The following DAPK3 variants were observed in gnomAD, a reference collection of about 807,000 sequenced individuals.
The protein encoded by DAPK3 is death associated protein kinase 3.
Under a neutral mutation model 30.6 loss-of-function variants are expected in DAPK3, and 24 were observed. That is an observed-to-expected ratio of 0.78 (90% CI 0.57 to 1.10). The LOEUF (loss-of-function observed/expected upper bound fraction) is 1.10, where lower values mean the gene tolerates loss of function less well. Among genes scored for constraint, DAPK3 ranks in the 50% least tolerant of loss-of-function variants. The probability of loss-of-function intolerance (pLI) is 0.00; values close to 1 mark genes in which losing one functional copy is unlikely to be tolerated. For missense variants in DAPK3, 629 were observed against 657.3 expected (o/e 0.96, Z 0.47); for synonymous variants, 341 against 284.0 (o/e 1.20, Z -2.02).
At chr19:3,962,152 C>T (rs1158880722) in intron 6 of DAPK3, among the ~76,000 whole-genome samples, 2 of 152,326 alleles carry the variant, frequency 1.3e-5, no homozygotes, top group Non-Finnish European at 2.9e-5. Flanking sequence ...CCATCGCACC[C>T]GGCCCATCTA....
chr19:3,958,943 C>G lies in DAPK3; in HGVS notation c.*158G>C. 1.7e-6 allele frequency: 1 copy of G among 591,454 alleles called. No individual in the cohort carries two copies. The highest frequency in any genetic ancestry group is 3.0e-6 in the Non-Finnish European group (1 of 337,564). 36.6% of individuals were successfully genotyped at this position (591,454 alleles called of 1,614,324 possible). On this transcript the variant is annotated 3_prime_UTR_variant, in exon 9 of 9. Coordinates refer to ENST00000545797, the MANE Select transcript of DAPK3 (RefSeq NM_001348.3). ...TCCCACACCCACCCCTGCCTGCGAA[C>G]TTACGGGCCTGGCTCCAGCTCCTCC...
At chr19:3,965,827 A>C (rs1187561322) in intron 2 of DAPK3, among the ~76,000 whole-genome samples, 3 of 151,582 alleles carry the variant, frequency 2.0e-5, no homozygotes, top group African/African-American at 7.3e-5. Flanking sequence ...ACCACACCCA[A>C]TTAATTTTTT....
Position 3,964,245 on chromosome 19 carries a change from C to A in DAPK3, c.552G>T (p.Val184=). 2 of 1,609,658 alleles carry A rather than the reference C, an allele frequency of 1.2e-6. No individual in the cohort carries two copies. The highest frequency in any genetic ancestry group is 8.5e-7 in the Non-Finnish European group (1 of 1,177,008). The stretch of plus-strand genomic sequence containing the variant: ...GCTGCCCACTGGGCAGGGCCTCACC[C>A]ACAAACTCCGGGGTGCCGAAGATGT... ...FKNIFGTPEF[V]APEIVNYEPL... Residue 184 remains valine, a splice_region_variant and synonymous_variant, in exon 4 of 9, where the codon GTG becomes GTT. Coordinates refer to ENST00000545797, the MANE Select transcript of DAPK3 (RefSeq NM_001348.3).
Position 3,959,424 on chromosome 19 carries a change from G to A in DAPK3, c.1042C>T (p.Leu348Phe). The change falls in exon 9 of 9, where the codon CTC (leucine) becomes TTC (phenylalanine). Residue 348 changes from leucine (L) to phenylalanine (F), a missense_variant. Leu to Phe is a conservative substitution (Grantham distance 22). Transcript: ENST00000545797. ...AGCGCCTCCACGTCCTCGTGGCAGAGCCGCCGGCTGCGCTGCAGCTCGCGC... is the reference window on the plus strand; with the variant it reads ...AGCGCCTCCACGTCCTCGTGGCAGAACCGCCGGCTGCGCTGCAGCTCGCGC... ...GLRELQRSRR[L>F]CHEDVEALAA... The A allele has an allele frequency of 6.4e-7, 1 of 1,552,846 alleles. No individual in the cohort carries two copies. Among genetic ancestry groups the A allele is most frequent in the Non-Finnish European group, 8.6e-7 (1 of 1,156,106 alleles).
chr19:3,961,397 A>C (rs577933210), intron 6 of DAPK3: 1 of 673,422 alleles, frequency 1.5e-6, no homozygotes, highest in South Asian at 1.4e-5. Flanking sequence ...AACAGGCAGA[A>C]GTCTCCTTGG....
At chr19:3,963,729 C>T (rs1026100573) in intron 5 of DAPK3, 60 bp from the exon 6 acceptor site, 5 of 1,410,938 alleles carry the variant, frequency 3.5e-6, no homozygotes, top group South Asian at 1.3e-5. Context: ...CTCCCAGGAC[C>T]GTGGCGTCCA....
intron 2 of DAPK3, among the ~76,000 whole-genome samples, chr19:3,965,502 C>T (rs2039569123): frequency 6.6e-6 from 1 of 152,104 alleles, no homozygotes; most frequent in Non-Finnish European, 1.5e-5. Context: ...CCTGTAATCC[C>T]AGCTACTTGG....
chr19:3,969,600 G>C, intron 2 of DAPK3, 74 bp downstream of exon 2: 1 of 929,166 alleles, frequency 1.1e-6, no homozygotes, highest in Admixed American at 1.7e-5. Flanking sequence ...CAGGAAAGGA[G>C]AGCTGCTGTT....
chr19:3,962,338 C>T lies in DAPK3; in HGVS notation c.630-1177G>A, dbSNP rs564975060. Among the ~76,000 whole-genome samples the T allele has an allele frequency of 3.3e-5, 5 of 152,346 alleles. No individual in the cohort carries two copies. In the South Asian group the frequency reaches 1.0e-3, roughly 32 times the overall value. ...TTTAAAAAGAATACAAACGGTCTAG[C>T]CCATCTCCTGAAGCCTTTGGGTCCG... On this transcript the variant is annotated intron_variant, in intron 6 of 8. Transcript: ENST00000545797.
intron 7 of DAPK3, 152 bp from the exon 8 acceptor site, chr19:3,960,256 C>T (rs1029051687): frequency 2.6e-5 from 16 of 608,264 alleles, no homozygotes; most frequent in Admixed American, 1.1e-4. Flanking sequence ...CTGCAGGGAG[C>T]GTGGGGTTTT....
Position 3,959,382 on chromosome 19 carries a change from C to T in DAPK3, c.1084G>A (p.Glu362Lys). The change falls in exon 9 of 9, where the codon GAG becomes AAG. Residue 362 changes from glutamate (E) to lysine (K), a missense_variant. This residue lies in a region of DAPK3 where 323 missense variants were observed against 278.8 expected (regional missense o/e 1.16). Coordinates refer to ENST00000545797, the MANE Select transcript of DAPK3 (RefSeq NM_001348.3). ...TCCTCGCGGTACCAGGCCTCCTTCT[C>T]CTCGTAGATGGCGGCCAGCGCCTCC... is the stretch of plus-strand genomic sequence containing the variant. Reference protein sequence around the residue: ...DVEALAAIYEEKEAWYREESD... With the variant: ...DVEALAAIYEKKEAWYREESD... 3 of 1,576,552 alleles carry T rather than the reference C, an allele frequency of 1.9e-6. No individual in the cohort carries two copies. Among genetic ancestry groups the T allele is most frequent in the Non-Finnish European group, 2.6e-6 (3 of 1,168,950 alleles).
intron 2 of DAPK3, among the ~76,000 whole-genome samples, chr19:3,966,628 C>T (rs148570159): frequency 1.8e-4 from 28 of 152,218 alleles, no homozygotes; most frequent in African/African-American, 6.8e-4. Context: ...TCTGCCAGGG[C>T]GCCTCCTCCA....
chr19:3,963,745 CCT>C (rs2039544043), intron 5 of DAPK3, 76 bp from the exon 6 acceptor site: 2 of 1,339,028 alleles, frequency 1.5e-6, no homozygotes, highest in Non-Finnish European at 2.1e-6. Flanking sequence ...GTCCAGCGCC[CCT>C]GTTCTAGGGC....
At chr19:3,965,883 C>G in intron 2 of DAPK3, among the ~76,000 whole-genome samples, 1 of 151,998 alleles carries the variant, frequency 6.6e-6, no homozygotes, top group Non-Finnish European at 1.5e-5. Context: ...CCACGCTGGT[C>G]TCGAACTCCT....
In DAPK3 at chr19:3,959,318, T is replaced by G. The variant is rs2039476622; in HGVS notation, c.1148A>C (p.Gln383Pro). The G allele has an allele frequency of 6.3e-7, 1 of 1,594,280 alleles. No individual in the cohort carries two copies. The highest frequency in any genetic ancestry group is 8.5e-7 in the Non-Finnish European group (1 of 1,177,328). ...GAGCGCCTCGGTCTTGAGCAGCTCCTGCCGTAGCCTCCGCAGGTCCTGGCC... is the reference window on the plus strand; with the variant it reads ...GAGCGCCTCGGTCTTGAGCAGCTCCGGCCGTAGCCTCCGCAGGTCCTGGCC... ...SLGQDLRRLR[Q>P]ELLKTEALKR... The change falls in exon 9 of 9, where the codon CAG (glutamine) becomes CCG (proline). Residue 383 changes from glutamine to proline, a missense_variant. By Grantham distance (76) the Gln-to-Pro change is moderately conservative (BLOSUM62 -1). This residue lies in a region of DAPK3 where 323 missense variants were observed against 278.8 expected (regional missense o/e 1.16). Coordinates refer to ENST00000545797, the MANE Select transcript of DAPK3 (RefSeq NM_001348.3).
intron 8 of DAPK3, 36 bp downstream of exon 8, chr19:3,960,023 G>A (rs764730405): frequency 1.1e-5 from 13 of 1,224,790 alleles, no homozygotes; most frequent in Admixed American, 5.1e-5. Context: ...AGGCCAAGGC[G>A]GGAAGCCCAG....
chr19:3,960,002 C>A (rs770554959), intron 8 of DAPK3, 57 bp downstream of exon 8: 2 of 959,912 alleles, frequency 2.1e-6, no homozygotes, highest in Non-Finnish European at 3.4e-6. Flanking sequence ...CCCCCCGGGA[C>A]CCCAGCGAGA....
rs139511601 is a variant in DAPK3, at chr19:3,964,972, G to A, written c.82C>T (p.Arg28Trp). 1.2e-5 allele frequency: 20 copies of A among 1,605,292 alleles called. No individual in the cohort carries two copies. The highest frequency in any genetic ancestry group is 2.2e-5 in the East Asian group (1 of 44,764). ...ELGSGQFAIVRKCRQKGTGKE... is the reference protein window; with the variant it reads ...ELGSGQFAIVWKCRQKGTGKE... ...CCCGTGCCCTTCTGCCGGCACTTCC[G>A]CACGATCGCAAACTGGCCGCTGGAG... The change falls in exon 3 of 9, where the codon CGG (arginine) becomes TGG (tryptophan). Residue 28 changes from arginine to tryptophan, a missense_variant. Arg to Trp is a moderately radical substitution (Grantham distance 101, BLOSUM62 -3). This residue lies in a region of DAPK3 where 306 missense variants were observed against 378.5 expected (regional missense o/e 0.81). Transcript: ENST00000545797.
intron 7 of DAPK3, among the ~76,000 whole-genome samples, chr19:3,960,677 G>T (rs1456802561): frequency 6.6e-6 from 1 of 151,716 alleles, no homozygotes; most frequent in Admixed American, 6.6e-5. Context: ...TACTTGGGAG[G>T]CTAACGCAGG....
Sources: gnomAD v4.1 joint callset for allele counts (sites outside exome capture counted in the v4.1 genomes callset) on GRCh38, gnomAD v4.1.1 for gene constraint, gnomAD v4.1.1 regional missense constraint, MANE v1.5 for transcripts, NCBI Gene and HGNC (gene_info 2026-07-23, HGNC 2026-07-21) for gene names.